Variants in ACP3 observed in about 807,000 individuals in gnomAD.
ACP3 encodes the protein prostatic acid phosphatase.
ACP3 carries 38 observed loss-of-function variants against 45.6 expected under a neutral mutation model. That is an observed-to-expected ratio of 0.83 (90% confidence interval 0.64 to 1.09). The LOEUF (loss-of-function observed/expected upper bound fraction) is 1.09. Among genes scored for constraint, ACP3 ranks in the 50% least tolerant of loss-of-function variants. ACP3 has a pLI of 0.00. For synonymous variants in ACP3, 162 were observed against 164.7 expected (o/e 0.98, Z 0.13); for missense variants, 466 against 463.2 (o/e 1.01, Z -0.05).
chr3:132,333,974 G>A (rs554413018), intron 4 of ACP3, among the ~76,000 whole-genome samples: 243 of 152,294 alleles, frequency 1.6e-3, no homozygotes, highest in African/African-American at 5.7e-3. Flanking sequence ...AGGAGGCTGA[G>A]GCAGGAGAAT....
chr3:132,359,490 A>G (rs1301375654), downstream of ACP3, among the ~76,000 whole-genome samples: 2 of 151,894 alleles, frequency 1.3e-5, no homozygotes, highest in Non-Finnish European at 2.9e-5. Context: ...CCTGGGCAAC[A>G]GAGCGAGACT....
intron 1 of ACP3, among the ~76,000 whole-genome samples, chr3:132,318,701 A>G (rs545646029): frequency 1.8e-3 from 176 of 95,866 alleles, no homozygotes; most frequent in African/African-American, 7.4e-3. Flanking sequence ...TTCTGTGCAG[A>G]AAAAAAATAT....
rs191677329 is a variant in ACP3, at chr3:132,337,266, C to T, written c.457-190C>T. On this transcript the variant is annotated intron_variant, in intron 4 of 9. Coordinates refer to ENST00000336375, the MANE Select transcript of ACP3 (RefSeq NM_001099.5). ...GGATTTTCAATTCTGAATACATATC[C>T]TACTATTTTAAGACCTATAGATCAT... 24 of 433,184 alleles carry T rather than the reference C, an allele frequency of 5.5e-5. No homozygotes were observed. In the Admixed American group the frequency reaches 5.7e-4, roughly 10 times the overall value. The allele number at this position is 433,184 out of a possible 1,614,324, so 26.8% of individuals were successfully genotyped here.
chr3:132,361,180 T>A (rs1938034198), downstream of ACP3, among the ~76,000 whole-genome samples: 1 of 152,222 alleles, frequency 6.6e-6, no homozygotes, highest in Non-Finnish European at 1.5e-5. Flanking sequence ...CCTTGTTCAA[T>A]GATATCCCTT....
intron 10 of ACP3, among the ~76,000 whole-genome samples, chr3:132,366,154 A>G (rs1446438042): frequency 6.6e-6 from 1 of 152,054 alleles, no homozygotes; most frequent in Non-Finnish European, 1.5e-5. Flanking sequence ...TACAAAAATT[A>G]GCTAGGCATG....
rs981058548 is a variant in ACP3, at chr3:132,317,695, A to C, written c.120+119A>C. ...GTTTCCCAGAGACCAGGCTCTGTTCAAACTCAGAAAGTGAATAATCAAGTT... is the reference window on the plus strand; with the variant it reads ...GTTTCCCAGAGACCAGGCTCTGTTCCAACTCAGAAAGTGAATAATCAAGTT... On this transcript the variant is annotated intron_variant, in intron 1 of 9. Transcript: ENST00000336375. 2.6e-6 allele frequency: 3 copies of C among 1,154,432 alleles called. No individual in the cohort carries two copies. The African/African-American group carries it at 4.7e-5, about 18-fold the overall frequency. 71.5% of individuals were successfully genotyped at this position (1,154,432 alleles called of 1,614,324 possible).
intron 9 of ACP3, among the ~76,000 whole-genome samples, chr3:132,354,772 T>C (rs1469693416): frequency 1.3e-5 from 2 of 152,242 alleles, no homozygotes; most frequent in Non-Finnish European, 2.9e-5. Flanking sequence ...ATACAGAGAT[T>C]TAAAATCATA....
chr3:132,336,217 G>T (rs149072188), intron 4 of ACP3, among the ~76,000 whole-genome samples: 5 of 152,068 alleles, frequency 3.3e-5, no homozygotes, highest in Non-Finnish European at 7.4e-5. Context: ...CCGAGATCGC[G>T]CCACTGCACT....
At position 132,357,618 on chromosome 3, in the gene ACP3, A is replaced by G. The variant is rs1559844247; in HGVS notation, c.*740A>G. 4.1e-6 allele frequency: 4 copies of G among 984,580 alleles called. No homozygotes were observed. In the Admixed American group the frequency reaches 2.5e-4, roughly 61 times the overall value. The allele number at this position is 984,580 out of a possible 1,614,324, so 61.0% of individuals were successfully genotyped here. A position where few individuals can be genotyped will look rare whatever the true frequency, so the allele number is the denominator to read the frequency against. ...ATACATATAGCAGCTCTTGAAGTAT[A>G]TATATCATAGCAAATAAGTCATCTG... On this transcript the variant is annotated 3_prime_UTR_variant, in exon 10 of 10. Transcript: ENST00000336375.
At chr3:132,347,822 T>C (rs1250375699) in intron 7 of ACP3, among the ~76,000 whole-genome samples, 13 of 110,966 alleles carry the variant, frequency 1.2e-4, no homozygotes, top group Non-Finnish European at 2.3e-4. Flanking sequence ...GGGGTGACAC[T>C]GTTCAGTAAG....
intron 6 of ACP3, 82 bp from the exon 7 acceptor site, chr3:132,344,839 AGTTCTT>A (rs1937590133): frequency 3.4e-6 from 5 of 1,464,822 alleles, no homozygotes; most frequent in Non-Finnish European, 4.6e-6. Context: ...TGGCCCTACT[AGTTCTT>A]GTGAGGTGAA....
rs1259779123 is a variant in ACP3, at chr3:132,358,712, T to A, written c.*1834T>A. 1.0e-6 allele frequency: 1 copy of A among 1,002,254 alleles called. No individual in the cohort carries two copies. The highest frequency in any genetic ancestry group is 1.2e-6 in the Non-Finnish European group (1 of 838,956). 62.1% of individuals were successfully genotyped at this position (1,002,254 alleles called of 1,614,324 possible). On this transcript the variant is annotated 3_prime_UTR_variant, in exon 10 of 10. Coordinates refer to ENST00000336375, the MANE Select transcript of ACP3 (RefSeq NM_001099.5). ...TATGCTTGTAACTGTCTTCTAGCAG[T>A]GAGCCAAATGTAAAATAGTGAATAA...
At position 132,357,540 on chromosome 3, in the gene ACP3, G is replaced by T; in HGVS notation, c.*662G>T. ...TGTCCCTTGGTCCTGGAACATTTAT[G>T]TTCCTTTTAAAGAAACAAAAATCAA... On this transcript the variant is annotated 3_prime_UTR_variant, in exon 10 of 10. Transcript: ENST00000336375. The T allele has an allele frequency of 3.0e-6, 3 of 984,734 alleles. No homozygotes were observed. Among genetic ancestry groups the T allele is most frequent in the Non-Finnish European group, 3.6e-6 (3 of 829,334 alleles). The allele number at this position is 984,734 out of a possible 1,614,324, so 61.0% of individuals were successfully genotyped here. A position where few individuals can be genotyped will look rare whatever the true frequency, so the allele number is the denominator to read the frequency against.
At chr3:132,359,257 A>T (rs1043775939), downstream of ACP3, among the ~76,000 whole-genome samples, 1 of 152,212 alleles carries the variant, frequency 6.6e-6, no homozygotes, top group Non-Finnish European at 1.5e-5. Flanking sequence ...TCAGGCCTGT[A>T]ATCCCAGCAC....
At position 132,358,697 on chromosome 3, in the gene ACP3, A is replaced by G. The variant is rs1381042283; in HGVS notation, c.*1819A>G. ...CTTGGGTCCATTTTCTATGCTTGTA[A>G]CTGTCTTCTAGCAGTGAGCCAAATG... On this transcript the variant is annotated 3_prime_UTR_variant, in exon 10 of 10. Coordinates refer to ENST00000336375, the MANE Select transcript of ACP3 (RefSeq NM_001099.5). 9.8e-7 allele frequency: 1 copy of G among 1,020,470 alleles called. No homozygotes were observed. Among genetic ancestry groups the G allele is most frequent in the African/African-American group, 1.7e-5 (1 of 58,884 alleles). The allele number at this position is 1,020,470 out of a possible 1,614,324, so 63.2% of individuals were successfully genotyped here.
chr3:132,339,077 T>A (rs1576416964), intron 5 of ACP3, among the ~76,000 whole-genome samples: 1 of 152,186 alleles, frequency 6.6e-6, no homozygotes, highest in African/African-American at 2.4e-5. Context: ...CCCCTCTATG[T>A]GTCCGTGTAT....
downstream of ACP3, among the ~76,000 whole-genome samples, chr3:132,363,798 A>G (rs185745613): frequency 5.1e-3 from 778 of 152,210 alleles, 9 homozygotes; most frequent in African/African-American, 0.018. Context: ...TTGGCCGGGC[A>G]TGGTGGCAGG....
chr3:132,356,573 A>C (rs3853148), intron 9 of ACP3, 113 bp from the exon 10 acceptor site: 841,888 of 1,567,072 alleles, frequency 0.54, 233,626 homozygotes, highest in Middle Eastern at 0.58. Flanking sequence ...TCTCCCCATA[A>C]GTTTTTCCAT....
chr3:132,330,743 C>A (rs1019173314), intron 2 of ACP3, among the ~76,000 whole-genome samples: 3 of 152,210 alleles, frequency 2.0e-5, no homozygotes, highest in African/African-American at 7.2e-5. Flanking sequence ...ACAACCTCCT[C>A]TCTGGCTCCC....
Sources: allele counts gnomAD v4.1 joint callset (sites outside exome capture counted in the v4.1 genomes callset), GRCh38; gene constraint gnomAD v4.1.1; transcripts MANE v1.5; gene names NCBI Gene and HGNC (gene_info 2026-07-23, HGNC 2026-07-21).